ASCC3: variants seen among roughly 807,000 people sequenced by gnomAD.
ASCC3 encodes the protein activating signal cointegrator 1 complex subunit 3.
Under a neutral mutation model 256.3 loss-of-function variants are expected in ASCC3, and 158 were observed. The ratio of observed to expected loss-of-function variants is 0.62; its 90% CI spans 0.54 to 0.70. The LOEUF (loss-of-function observed/expected upper bound fraction) is 0.70. Among genes scored for constraint, ASCC3 ranks in the 30% least tolerant of loss-of-function variants. ASCC3 has a pLI of 0.00. For missense variants in ASCC3, 2,259 were observed against 2,626.0 expected (o/e 0.86, Z 3.05); for synonymous variants, 948 against 883.4 (o/e 1.07, Z -1.30).
Position 100,653,377 on chromosome 6 carries a change from C to T in ASCC3, c.2824-488G>A, listed in dbSNP as rs537671530. On this transcript the variant is annotated intron_variant, in intron 17 of 41. Coordinates refer to ENST00000369162, the MANE Select transcript of ASCC3 (RefSeq NM_006828.4). ...TTATCCGGCCGGGCACAGTGGCTCA[C>T]ACCTGTAATCCCAGCACTTTGGGAG... Among the ~76,000 whole-genome samples, 366 of 152,168 alleles carry T rather than the reference C, an allele frequency of 2.4e-3. 2 individuals are homozygous for T. The highest frequency in any genetic ancestry group is 8.3e-3 in the African/African-American group (344 of 41,562).
chr6:100,635,980 T>C (rs889584763), intron 25 of ASCC3, among the ~76,000 whole-genome samples: 1 of 152,210 alleles, frequency 6.6e-6, no homozygotes, highest in Non-Finnish European at 1.5e-5. Flanking sequence ...AAATTATCTA[T>C]GAATTGTAGA....
chr6:100,749,625 T>C (rs1780845904), intron 10 of ASCC3, among the ~76,000 whole-genome samples: 1 of 151,992 alleles, frequency 6.6e-6, no homozygotes. Context: ...GTTTAAAATA[T>C]ATGATCTAAA....
At chr6:100,633,398 CA>C (rs1421977739) in intron 25 of ASCC3, among the ~76,000 whole-genome samples, 1 of 151,744 alleles carries the variant, frequency 6.6e-6, no homozygotes, top group Non-Finnish European at 1.5e-5. Flanking sequence ...CCCCAAAGCA[CA>C]AGAGTAGTGA....
chr6:100,814,969 C>T (rs1770668970), intron 4 of ASCC3, among the ~76,000 whole-genome samples: 2 of 151,856 alleles, frequency 1.3e-5, no homozygotes, highest in African/African-American at 4.8e-5. Context: ...TTGTAGTATT[C>T]TCCTAGTTTT....
chr6:100,615,108 C>A (rs1261853744), intron 30 of ASCC3, among the ~76,000 whole-genome samples: 1 of 151,922 alleles, frequency 6.6e-6, no homozygotes, highest in Non-Finnish European at 1.5e-5. Flanking sequence ...CTCTGTCTCC[C>A]AGGCTCAGGT....
At chr6:100,563,120 T>G (rs1291893589) in intron 36 of ASCC3, among the ~76,000 whole-genome samples, 1 of 152,042 alleles carries the variant, frequency 6.6e-6, no homozygotes, top group Non-Finnish European at 1.5e-5. Context: ...TGATTAAAAT[T>G]TTTTAATATT....
chr6:100,856,881 A>G (rs1349025587), intron 3 of ASCC3: 1 of 152,120 alleles, frequency 6.6e-6, no homozygotes, highest in Non-Finnish European at 1.5e-5. Flanking sequence ...GGCTATCACA[A>G]ATAATGTTGC....
At chr6:100,628,098 A>T in intron 27 of ASCC3, 111 bp from the exon 28 acceptor site, 1 of 1,151,230 alleles carries the variant, frequency 8.7e-7, no homozygotes, top group East Asian at 2.5e-5. Flanking sequence ...AAACAAAAAA[A>T]AAAACAAAAA....
chr6:100,544,319 A>G (rs945788126), intron 36 of ASCC3, among the ~76,000 whole-genome samples: 1 of 152,090 alleles, frequency 6.6e-6, no homozygotes, highest in African/African-American at 2.4e-5. Context: ...GATGAAAATT[A>G]AAGTGAACAA....
At chr6:100,606,587 T>G (rs966912318) in intron 32 of ASCC3, among the ~76,000 whole-genome samples, 153 bp downstream of exon 32, 1 of 152,144 alleles carries the variant, frequency 6.6e-6, no homozygotes, top group Non-Finnish European at 1.5e-5. Context: ...ATATTTTAAC[T>G]GAAAACAAAA....
intron 37 of ASCC3, among the ~76,000 whole-genome samples, chr6:100,539,223 T>C (rs553965347): frequency 2.0e-5 from 3 of 152,316 alleles, no homozygotes; most frequent in Non-Finnish European, 2.9e-5. Context: ...GTCATTGATA[T>C]GGTTTCAGAT....
intron 22 of ASCC3, among the ~76,000 whole-genome samples, chr6:100,645,889 T>A: frequency 6.6e-6 from 1 of 152,152 alleles, no homozygotes; most frequent in Non-Finnish European, 1.5e-5. Flanking sequence ...ATCTATTTAT[T>A]ATGGCAACCC....
At chr6:100,824,499 T>A (rs867672041) in intron 4 of ASCC3, among the ~76,000 whole-genome samples, 8 of 152,188 alleles carry the variant, frequency 5.3e-5, no homozygotes, top group Non-Finnish European at 8.8e-5. Context: ...GAATGAGACA[T>A]CCTTATCGCT....
intron 8 of ASCC3, among the ~76,000 whole-genome samples, chr6:100,767,647 CGCCCTGGCTGGAGT>C (rs1781722623): frequency 6.6e-6 from 1 of 151,868 alleles, no homozygotes; most frequent in South Asian, 2.1e-4. Flanking sequence ...CTCACTCTGT[CGCCCTGGCTGGAGT>C]GCACTGGCGT....
At chr6:100,698,370 T>C (rs1319607241) in intron 13 of ASCC3, among the ~76,000 whole-genome samples, 1 of 152,064 alleles carries the variant, frequency 6.6e-6, no homozygotes, top group Non-Finnish European at 1.5e-5. Flanking sequence ...GTATAAAATT[T>C]CAAAAATATA....
At chr6:100,871,699 A>T (rs1244808918) in intron 1 of ASCC3, among the ~76,000 whole-genome samples, 1 of 152,150 alleles carries the variant, frequency 6.6e-6, no homozygotes, top group East Asian at 1.9e-4. Flanking sequence ...CCGGAAGGTC[A>T]AGGCTGCAGT....
intron 30 of ASCC3, among the ~76,000 whole-genome samples, chr6:100,622,214 C>A (rs188141462): frequency 4.6e-5 from 7 of 152,172 alleles, no homozygotes; most frequent in African/African-American, 1.7e-4. Flanking sequence ...GGCTTTGTGA[C>A]CCTAACCCAA....
intron 1 of ASCC3, among the ~76,000 whole-genome samples, chr6:100,868,636 C>T (rs188437861): frequency 6.6e-6 from 1 of 152,224 alleles, no homozygotes; most frequent in Non-Finnish European, 1.5e-5. Context: ...TTGTTTCAAC[C>T]CACAAAAAGT....
In ASCC3 at chr6:100,715,539, A is replaced by G; in HGVS notation, c.2080-6T>C. On this transcript the variant is annotated splice_polypyrimidine_tract_variant and splice_region_variant and intron_variant, in intron 12 of 41. Coordinates refer to ENST00000369162, the MANE Select transcript of ASCC3 (RefSeq NM_006828.4). ...ATGTTATTCAACTGCTGCATCTTGA[A>G]GATTTTAAAACATAAAAAAAATCAT... is the stretch of plus-strand genomic sequence containing the variant. 3.1e-6 allele frequency: 5 copies of G among 1,605,800 alleles called. No homozygotes were observed. The highest frequency in any genetic ancestry group is 4.3e-6 in the Non-Finnish European group (5 of 1,174,162).
Sources: gnomAD v4.1 joint callset for allele counts (sites outside exome capture counted in the v4.1 genomes callset) on GRCh38, gnomAD v4.1.1 for gene constraint, MANE v1.5 for transcripts, NCBI Gene and HGNC (gene_info 2026-07-23, HGNC 2026-07-21) for gene names.